Variants in POLR3D observed in about 807,000 individuals in gnomAD.
The protein encoded by POLR3D is DNA-directed RNA polymerase III subunit RPC4.
In POLR3D, 42 loss-of-function variants were observed where a neutral mutation model predicts 44.5. The observed-to-expected ratio is 0.94, with a 90% confidence interval of 0.74 to 1.22. The LOEUF (loss-of-function observed/expected upper bound fraction) is 1.22, where lower values mean the gene tolerates loss of function less well. Ranked by LOEUF, POLR3D falls within the 50% of genes most tolerant of loss-of-function variation. POLR3D has a pLI of 0.00. For missense variants in POLR3D, 507 were observed against 505.2 expected, an observed-to-expected ratio of 1.00 and a Z score of -0.03; for synonymous variants, 217 against 198.1, an observed-to-expected ratio of 1.10 and a Z score of -0.80.
In POLR3D at chr8:22,247,203, C is replaced by G; in HGVS notation, c.166-18C>G. Reference sequence around the variant, plus strand: ...GTCAGAACCTAACACATCAGTGACTCCTGTATTTTGCTTTCAGAAAACCTT... The same window carrying G: ...GTCAGAACCTAACACATCAGTGACTGCTGTATTTTGCTTTCAGAAAACCTT... On this transcript the variant is annotated intron_variant, in intron 2 of 8. Coordinates refer to ENST00000306433, the MANE Select transcript of POLR3D (RefSeq NM_001722.3). The G allele has an allele frequency of 6.2e-7, 1 of 1,605,252 alleles. No homozygotes were observed. The highest frequency in any genetic ancestry group is 8.5e-7 in the Non-Finnish European group (1 of 1,172,416).
chr8:22,246,660 G>A (rs1449301612), intron 2 of POLR3D, among the ~76,000 whole-genome samples: 1 of 152,062 alleles, frequency 6.6e-6, no homozygotes, highest in Non-Finnish European at 1.5e-5. Context: ...TGGCCAGGCT[G>A]ATCTTGAACT....
At position 22,247,828 on chromosome 8, in the gene POLR3D, G is replaced by A. The variant is rs367990706; in HGVS notation, c.210-29G>A. 1.1e-5 allele frequency: 17 copies of A among 1,603,906 alleles called. No homozygotes were observed. The African/African-American group carries it at 1.7e-4, about 16-fold the overall frequency. ...GATTTTGGAGACACAGTGAGTGAGT[G>A]GTTTCCCTTAATCCATTCTTTTTTC... On this transcript the variant is annotated intron_variant, in intron 3 of 8. Transcript: ENST00000306433.
In POLR3D at chr8:22,252,168, A is replaced by C. The variant is rs1470351636; in HGVS notation, c.*1650A>C. ...CTGAAGCTCATGTCAGCTCCATTGG[A>C]CAGTGTTATTCTGGGCTCTTCTCAC... is the stretch of plus-strand genomic sequence containing the variant. On this transcript the variant is annotated 3_prime_UTR_variant, in exon 9 of 9. Coordinates refer to ENST00000306433, the MANE Select transcript of POLR3D (RefSeq NM_001722.3). The C allele has an allele frequency of 6.5e-6, 1 of 153,770 alleles. No homozygotes were observed. Among genetic ancestry groups the C allele is most frequent in the Non-Finnish European group, 1.5e-5 (1 of 68,066 alleles). 9.5% of individuals were successfully genotyped at this position (153,770 alleles called of 1,614,324 possible).
At chr8:22,248,338 G>A in intron 5 of POLR3D, 60 bp downstream of exon 5, 5 of 1,594,986 alleles carry the variant, frequency 3.1e-6, no homozygotes, top group Non-Finnish European at 3.4e-6. Context: ...GGGCTTCTGG[G>A]GAGCCAGGTG....
chr8:22,249,995 C>G, intron 7 of POLR3D, 80 bp from the exon 8 acceptor site: 1 of 1,525,108 alleles, frequency 6.6e-7, no homozygotes, highest in Non-Finnish European at 9.0e-7. Flanking sequence ...GTGCCTTTCT[C>G]TTGGGGAGTA....
At position 22,248,206 on chromosome 8, in the gene POLR3D, C is replaced by T; in HGVS notation, c.414C>T (p.Ile138=). 6.2e-7 allele frequency: 1 copy of T among 1,613,988 alleles called. No individual in the cohort carries two copies. The highest frequency in any genetic ancestry group is 8.5e-7 in the Non-Finnish European group (1 of 1,179,976). The stretch of plus-strand genomic sequence containing the variant: ...CAGACATGGGACCTTCTCATATCAT[C>T]AACATCAAAAAAGAGAAGAGAGAGA... The part of the protein sequence containing the change: ...DVSDMGPSHI[I]NIKKEKRETD... The change falls in exon 5 of 9, where the codon ATC becomes ATT. Residue 138 remains isoleucine (I), a synonymous_variant. Transcript: ENST00000306433.
chr8:22,252,867 T>C lies in POLR3D; in HGVS notation c.*2349T>C, dbSNP rs1830116885. 1 of 152,250 alleles carries C rather than the reference T, an allele frequency of 6.6e-6. No individual in the cohort carries two copies. Among genetic ancestry groups the C allele is most frequent in the East Asian group, 1.9e-4 (1 of 5,204 alleles). The allele number at this position is 152,250 out of a possible 1,614,324, so 9.4% of individuals were successfully genotyped here. Reference sequence around the variant, plus strand: ...GTCGAGTCACGGTTGGGTTTGAATCTGACTCCACCAGTAACTTTGGTTGGA... The same window carrying C: ...GTCGAGTCACGGTTGGGTTTGAATCCGACTCCACCAGTAACTTTGGTTGGA... On this transcript the variant is annotated 3_prime_UTR_variant, in exon 9 of 9. Coordinates refer to ENST00000306433, the MANE Select transcript of POLR3D (RefSeq NM_001722.3).
In POLR3D at chr8:22,246,090, G is replaced by A. The variant is rs533708364; in HGVS notation, c.165+476G>A. On this transcript the variant is annotated intron_variant, in intron 2 of 8. Coordinates refer to ENST00000306433, the MANE Select transcript of POLR3D (RefSeq NM_001722.3). ...GTCAAGAGTAGCCCAGAAAGGGGTG[G>A]GGTCAGGATGACAGAAGAACAAAGC... Among the ~76,000 whole-genome samples the A allele has an allele frequency of 1.1e-3, 171 of 152,234 alleles. 2 individuals carry two copies. The highest frequency in any genetic ancestry group is 3.6e-3 in the African/African-American group (150 of 41,502).
In POLR3D at chr8:22,250,122, G is replaced by T; in HGVS notation, c.969G>T (p.Glu323Asp). 6.2e-7 allele frequency: 1 copy of T among 1,614,128 alleles called. No individual in the cohort carries two copies. The highest frequency in any genetic ancestry group is 8.5e-7 in the Non-Finnish European group (1 of 1,179,988). ...CTTGTACCCTGGCTGACCTGACAGA[G>T]GGTCAGGTTGGCAAGCTACTCATCC... ...ENACTLADLT[E>D]GQVGKLLIRK... Residue 323 changes from glutamate to aspartate, a missense_variant, in exon 8 of 9, where the codon GAG becomes GAT. Glu to Asp is a conservative substitution (Grantham distance 45). Transcript: ENST00000306433.
chr8:22,249,362 T>C, intron 7 of POLR3D, 53 bp downstream of exon 7: 1 of 1,589,934 alleles, frequency 6.3e-7, no homozygotes, highest in Non-Finnish European at 8.6e-7. Context: ...GGACGGGAAG[T>C]GGTGACCTGT....
rs1396653276 is a variant in POLR3D, at chr8:22,245,175, G to A, written c.-14G>A. The A allele has an allele frequency of 5.1e-6, 3 of 585,986 alleles. No homozygotes were observed. Among genetic ancestry groups the A allele is most frequent in the Non-Finnish European group, 6.4e-6 (2 of 313,448 alleles). 36.3% of individuals were successfully genotyped at this position (585,986 alleles called of 1,614,324 possible). On this transcript the variant is annotated 5_prime_UTR_variant, in exon 1 of 9. Coordinates refer to ENST00000306433, the MANE Select transcript of POLR3D (RefSeq NM_001722.3). ...GGAGACCGAAGGCTGGCGGCTGGTC[G>A]CGTTGCAGGTGAGGTTGTGACGCGC...
rs192862658 is a variant in POLR3D, at chr8:22,247,279, C to G, written c.209+15C>G. ...ATCAAGGAAGAGTAAGTAGCTAGGCCTTCTGAATACTTGCCCCTTATTTAC... is the reference window on the plus strand; with the variant it reads ...ATCAAGGAAGAGTAAGTAGCTAGGCGTTCTGAATACTTGCCCCTTATTTAC... On this transcript the variant is annotated intron_variant, in intron 3 of 8. Transcript: ENST00000306433. 12 of 1,599,430 alleles carry G rather than the reference C, an allele frequency of 7.5e-6. No individual in the cohort carries two copies. In the East Asian group the frequency reaches 2.7e-4, roughly 36 times the overall value.
chr8:22,254,099 C>G lies in POLR3D; in HGVS notation c.*3581C>G, dbSNP rs546336119. 1.3e-5 allele frequency: 2 copies of G among 152,308 alleles called. No individual in the cohort carries two copies. The highest frequency in any genetic ancestry group is 4.1e-4 in the South Asian group (2 of 4,824). 9.4% of individuals were successfully genotyped at this position (152,308 alleles called of 1,614,324 possible). A position where few individuals can be genotyped will look rare whatever the true frequency, so the allele number is the denominator to read the frequency against. ...CCCTTGCCCCCCCTCCCACTCACCCCCTTTTGGAGTGCCCAGTGTTTGCTA... is the reference window on the plus strand; with the variant it reads ...CCCTTGCCCCCCCTCCCACTCACCCGCTTTTGGAGTGCCCAGTGTTTGCTA... On this transcript the variant is annotated 3_prime_UTR_variant, in exon 9 of 9. Transcript: ENST00000306433.
Position 22,251,619 on chromosome 8 carries a change from G to A in POLR3D, c.*1101G>A, listed in dbSNP as rs1361658965. ...ATGATGCCCACTTCAAAAACTTTGGGTTTCAGAGGCCTGCCCGTCTCCTGT... is the reference window on the plus strand; with the variant it reads ...ATGATGCCCACTTCAAAAACTTTGGATTTCAGAGGCCTGCCCGTCTCCTGT... On this transcript the variant is annotated 3_prime_UTR_variant, in exon 9 of 9. Coordinates refer to ENST00000306433, the MANE Select transcript of POLR3D (RefSeq NM_001722.3). 1.3e-5 allele frequency: 2 copies of A among 153,396 alleles called. No individual in the cohort carries two copies. Among genetic ancestry groups the A allele is most frequent in the East Asian group, 3.9e-4 (2 of 5,194 alleles). 9.5% of individuals were successfully genotyped at this position (153,396 alleles called of 1,614,324 possible).
Position 22,245,197 on chromosome 8 carries a change from G to C in POLR3D, c.-6+14G>C. ...GTCGCGTTGCAGGTGAGGTTGTGACGCGCGGTGTGGAGCCGCGGCCCGGGT... is the reference window on the plus strand; with the variant it reads ...GTCGCGTTGCAGGTGAGGTTGTGACCCGCGGTGTGGAGCCGCGGCCCGGGT... On this transcript the variant is annotated intron_variant, in intron 1 of 8. Coordinates refer to ENST00000306433, the MANE Select transcript of POLR3D (RefSeq NM_001722.3). The C allele has an allele frequency of 3.5e-6, 2 of 577,280 alleles. No homozygotes were observed. The highest frequency in any genetic ancestry group is 2.8e-5 in the Admixed American group (1 of 36,144). The allele number at this position is 577,280 out of a possible 1,614,324, so 35.8% of individuals were successfully genotyped here.
Position 22,249,240 on chromosome 8 carries a change from C to G in POLR3D, c.852C>G (p.Ile284Met). ...TLPGQPPTQD[I>M]KPIKTEVQGE... is the part of the protein sequence containing the mutation. ...CTGGCCAGCCACCCACCCAGGACATCAAGCCTATCAAGACAGAGGTGCAGG... is the reference window on the plus strand; with the variant it reads ...CTGGCCAGCCACCCACCCAGGACATGAAGCCTATCAAGACAGAGGTGCAGG... Residue 284 changes from isoleucine to methionine, a missense_variant, in exon 7 of 9, where the codon ATC becomes ATG. Coordinates refer to ENST00000306433, the MANE Select transcript of POLR3D (RefSeq NM_001722.3). 11 of 1,614,048 alleles carry G rather than the reference C, an allele frequency of 6.8e-6. No homozygotes were observed. The highest frequency in any genetic ancestry group is 8.5e-6 in the Non-Finnish European group (10 of 1,180,004).
Position 22,247,865 on chromosome 8 carries a change from A to G in POLR3D, c.218A>G (p.Glu73Gly), listed in dbSNP as rs779232271. 12 of 1,612,980 alleles carry G rather than the reference A, an allele frequency of 7.4e-6. No homozygotes were observed. In the Admixed American group the frequency reaches 1.7e-4, roughly 23 times the overall value. ...ISRKIKEEPK[E>G]EVTVKKEKRE... is the part of the protein sequence containing the mutation. ...TCCATTCTTTTTTCCAGGCCCAAGG[A>G]AGAAGTAACTGTCAAGAAGGAGAAG... Residue 73 changes from glutamate (E) to glycine (G), a missense_variant, in exon 4 of 9, where the codon GAA becomes GGA. Physicochemically the swap from Glu to Gly is moderately conservative, Grantham distance 98 (BLOSUM62 -2). Transcript: ENST00000306433.
At chr8:22,246,801 G>GTCACC (rs1563317913) in intron 2 of POLR3D, among the ~76,000 whole-genome samples, 1 of 152,220 alleles carries the variant, frequency 6.6e-6, no homozygotes, top group African/African-American at 2.4e-5. Context: ...ACAGTCCATA[G>GTCACC]TCACCTGATT....
chr8:22,246,405 C>T (rs962494504), intron 2 of POLR3D, among the ~76,000 whole-genome samples: 1 of 151,886 alleles, frequency 6.6e-6, no homozygotes, highest in Non-Finnish European at 1.5e-5. Context: ...GCTGGGATTA[C>T]AGGTGTGAGC....
Sources: allele counts gnomAD v4.1 joint callset (sites outside exome capture counted in the v4.1 genomes callset), GRCh38; gene constraint gnomAD v4.1.1; transcripts MANE v1.5; gene names NCBI Gene and HGNC (gene_info 2026-07-23, HGNC 2026-07-21).